ROBO2: variants seen among roughly 807,000 people sequenced by gnomAD.
The protein encoded by ROBO2 is roundabout guidance receptor 2, also known as roundabout homolog 2.
ROBO2 carries 53 observed loss-of-function variants against 160.8 expected under a neutral mutation model. The ratio of observed to expected loss-of-function variants is 0.33; its 90% confidence interval spans 0.26 to 0.41. The LOEUF (loss-of-function observed/expected upper bound fraction) is 0.41. ROBO2 is among the 10% of genes least tolerant of loss of function. The probability of loss-of-function intolerance (pLI) is 1.00; values close to 1 mark genes in which losing one functional copy is unlikely to be tolerated. For missense variants in ROBO2, 1,577 were observed against 1,722.4 expected, an observed-to-expected ratio of 0.92 and a Z score of 1.49; for synonymous variants, 664 against 611.7, an observed-to-expected ratio of 1.09 and a Z score of -1.26.
intron 2 of ROBO2, among the ~76,000 whole-genome samples, chr3:76,096,002 G>A (rs541235244): frequency 7.2e-5 from 11 of 152,060 alleles, no homozygotes; most frequent in African/African-American, 2.4e-4. Flanking sequence ...ATTTTAAAAG[G>A]TATTAAAGAA....
intron 2 of ROBO2, among the ~76,000 whole-genome samples, chr3:77,138,155 G>A (rs1290536938): frequency 6.6e-6 from 1 of 152,144 alleles, no homozygotes; most frequent in Non-Finnish European, 1.5e-5. Context: ...GTCCTTACCA[G>A]CACTATAAGC....
intron 2 of ROBO2, among the ~76,000 whole-genome samples, chr3:77,277,164 CTTT>C (rs1560407909): frequency 0.018 from 1,501 of 84,752 alleles, 12 homozygotes; most frequent in South Asian, 0.025. Flanking sequence ...TTCCTTCTTT[CTTT>C]CTTTCTTTCT....
intron 2 of ROBO2, among the ~76,000 whole-genome samples, chr3:76,563,021 T>C (rs1215461398): frequency 6.6e-6 from 1 of 152,110 alleles, no homozygotes; most frequent in East Asian, 1.9e-4. Flanking sequence ...CAACAGTTTC[T>C]TGGGTAGATG....
chr3:77,435,712 A>G (rs2079208189), intron 2 of ROBO2, among the ~76,000 whole-genome samples: 1 of 151,848 alleles, frequency 6.6e-6, no homozygotes, highest in Non-Finnish European at 1.5e-5. Flanking sequence ...TGCTTTGTCT[A>G]CAGATCAATG....
chr3:77,185,072 G>A (rs74336763), intron 2 of ROBO2, among the ~76,000 whole-genome samples: 2,008 of 152,078 alleles, frequency 0.013, 66 homozygotes, highest in African/African-American at 0.045. Flanking sequence ...CAAGTCTCTG[G>A]GTTCAGCGCT....
intron 2 of ROBO2, among the ~76,000 whole-genome samples, chr3:77,367,582 T>G (rs878918643): frequency 1.3e-5 from 2 of 152,198 alleles, no homozygotes; most frequent in African/African-American, 2.4e-5. Context: ...AGAGATATAT[T>G]CTTCATTTTA....
chr3:76,368,390 A>AT (rs767357339), intron 2 of ROBO2, among the ~76,000 whole-genome samples: 42 of 151,764 alleles, frequency 2.8e-4, no homozygotes, highest in East Asian at 1.9e-4. Context: ...CAGCTGGGTG[A>AT]TTTTTTTTAC....
intron 2 of ROBO2, among the ~76,000 whole-genome samples, chr3:76,783,059 T>C (rs2062751866): frequency 1.3e-5 from 2 of 150,940 alleles, no homozygotes; most frequent in Admixed American, 6.6e-5. Flanking sequence ...TGTTTTACCT[T>C]TGTGATTTCC....
intron 2 of ROBO2, among the ~76,000 whole-genome samples, chr3:77,194,648 G>T (rs2082156637): frequency 6.6e-6 from 1 of 152,162 alleles, no homozygotes; most frequent in South Asian, 2.1e-4. Context: ...ATTTGAAAAA[G>T]AACTCTAAAA....
chr3:75,991,665 C>CTTGGGGT (rs2065576351), intron 2 of ROBO2, among the ~76,000 whole-genome samples: 1 of 151,898 alleles, frequency 6.6e-6, no homozygotes, highest in Non-Finnish European at 1.5e-5. Flanking sequence ...AAAAGATACC[C>CTTGGGGT]CAAAATGTGG....
chr3:76,104,649 T>A lies in ROBO2; in HGVS notation c.109+167047T>A, dbSNP rs557363017. Among the ~76,000 whole-genome samples, 54 of 104,534 alleles carry A rather than the reference T, an allele frequency of 5.2e-4. No homozygotes were observed. In the East Asian group the frequency reaches 9.5e-3, roughly 18 times the overall value. The allele number at this position is 104,534 out of a possible 152,430, so 68.6% of individuals were successfully genotyped here. On this transcript the variant is annotated intron_variant, in intron 2 of 26. Coordinates refer to the ROBO2 transcript ENST00000487694. ...AGGCTACTAAATAGTAAATGATGAA[T>A]TATGTAAGTGGAAAAGGACACTATC...
intron 2 of ROBO2, among the ~76,000 whole-genome samples, chr3:77,213,738 A>C (rs1337056414): frequency 1.3e-5 from 2 of 151,224 alleles, no homozygotes; most frequent in East Asian, 3.9e-4. Context: ...TTCCCTCTAC[A>C]CACTGCTTTG....
rs2093720519 is a variant in ROBO2, at chr3:76,736,829, T to A, written c.110-361185T>A. ...AGCCTAGCATAAAATCATCACTACTTACTAATGTTCTCAGTAAGAGTTTAA... is the reference window on the plus strand; with the variant it reads ...AGCCTAGCATAAAATCATCACTACTAACTAATGTTCTCAGTAAGAGTTTAA... On this transcript the variant is annotated intron_variant, in intron 2 of 26. Coordinates refer to the ROBO2 transcript ENST00000487694. Among the ~76,000 whole-genome samples the A allele has an allele frequency of 2.0e-5, 3 of 152,222 alleles. No individual in the cohort carries two copies. In the South Asian group the frequency reaches 6.2e-4, roughly 31 times the overall value.
chr3:76,240,484 A>G (rs1467255389), intron 2 of ROBO2, among the ~76,000 whole-genome samples: 1 of 152,158 alleles, frequency 6.6e-6, no homozygotes, highest in Non-Finnish European at 1.5e-5. Context: ...ATATTAAGTA[A>G]ATTATTTGAA....
At chr3:76,288,698 T>C (rs1277981273) in intron 2 of ROBO2, among the ~76,000 whole-genome samples, 2 of 152,166 alleles carry the variant, frequency 1.3e-5, no homozygotes, top group African/African-American at 4.8e-5. Flanking sequence ...TGTCCATGTG[T>C]ACTCAATGTT....
At chr3:77,580,229 A>G (rs2093879978) in intron 16 of ROBO2, 111 bp downstream of exon 17, 2 of 984,094 alleles carry the variant, frequency 2.0e-6, no homozygotes, top group Admixed American at 1.9e-5. Flanking sequence ...ATGATAGGGT[A>G]CACATATCAT....
At chr3:76,384,172 A>AT (rs778543747) in intron 2 of ROBO2, among the ~76,000 whole-genome samples, 44 of 152,158 alleles carry the variant, frequency 2.9e-4, no homozygotes, top group African/African-American at 8.2e-4. Flanking sequence ...GCACTGATAC[A>AT]TTTTTTCTAA....
At chr3:76,367,348 G>A (rs2108448562) in intron 2 of ROBO2, among the ~76,000 whole-genome samples, 1 of 152,098 alleles carries the variant, frequency 6.6e-6, no homozygotes, top group Non-Finnish European at 1.5e-5. Flanking sequence ...GTAATAAGGA[G>A]ATGAGGAAAA....
intron 2 of ROBO2, among the ~76,000 whole-genome samples, chr3:76,802,377 T>C (rs1056416233): frequency 2.6e-5 from 4 of 152,186 alleles, no homozygotes; most frequent in Admixed American, 6.5e-5. Context: ...TTACCATTCA[T>C]AGTACCTGGC....
Sources: allele counts gnomAD v4.1 joint callset (sites outside exome capture counted in the v4.1 genomes callset), GRCh38; gene constraint gnomAD v4.1.1; transcripts MANE v1.5; gene names NCBI Gene and HGNC (gene_info 2026-07-23, HGNC 2026-07-21).